Variants in RIMBP2 observed in about 807,000 individuals in gnomAD.
RIMBP2 encodes RIMS-binding protein 2.
In RIMBP2, 48 loss-of-function variants were observed where a neutral mutation model predicts 118.6. The ratio of observed to expected loss-of-function variants is 0.40; its 90% CI spans 0.32 to 0.51. RIMBP2 has a LOEUF of 0.51. Among genes scored for constraint, RIMBP2 ranks in the 20% least tolerant of loss-of-function variants. The pLI, the probability that RIMBP2 is intolerant of heterozygous loss-of-function variation, is 0.41. For synonymous variants in RIMBP2, 762 were observed against 742.9 expected, an observed-to-expected ratio of 1.03 and a Z score of -0.42; for missense variants, 1,551 against 1,768.3, an observed-to-expected ratio of 0.88 and a Z score of 2.20.
intron 21 of RIMBP2, among the ~76,000 whole-genome samples, chr12:130,404,454 C>G (rs1048414612): frequency 4.6e-5 from 7 of 152,086 alleles, no homozygotes; most frequent in African/African-American, 1.7e-4. Context: ...CATGCCACCA[C>G]GCCCGGCTAA....
intron 1 of RIMBP2, among the ~76,000 whole-genome samples, chr12:130,664,151 C>T (rs1209869029): frequency 6.6e-6 from 1 of 151,666 alleles, no homozygotes; most frequent in Non-Finnish European, 1.5e-5. Flanking sequence ...TACTGAACCC[C>T]ACTTGGTAAA....
chr12:130,515,760 T>C (rs2051384733), intron 3 of RIMBP2, among the ~76,000 whole-genome samples: 1 of 152,118 alleles, frequency 6.6e-6, no homozygotes, highest in South Asian at 2.1e-4. Flanking sequence ...TGCAATGGCA[T>C]GATCTCGGCT....
intron 1 of RIMBP2, among the ~76,000 whole-genome samples, chr12:130,704,094 G>T (rs1176608925): frequency 6.6e-6 from 1 of 152,110 alleles, no homozygotes; most frequent in African/African-American, 2.4e-5. Context: ...AAAGCAGCTG[G>T]GGAAGCACCC....
At chr12:130,444,144 G>A (rs1182648787) in intron 10 of RIMBP2, among the ~76,000 whole-genome samples, 1 of 152,196 alleles carries the variant, frequency 6.6e-6, no homozygotes, top group African/African-American at 2.4e-5. Flanking sequence ...ACATATTTCT[G>A]TGCTTATGTG....
intron 13 of RIMBP2, among the ~76,000 whole-genome samples, chr12:130,436,354 T>C (rs936283922): frequency 1.3e-5 from 2 of 152,168 alleles, no homozygotes; most frequent in Non-Finnish European, 2.9e-5. Flanking sequence ...TGTATGTATA[T>C]ACATGAGGGT....
chr12:130,600,665 G>A (rs2059823890), intron 2 of RIMBP2, among the ~76,000 whole-genome samples: 1 of 152,154 alleles, frequency 6.6e-6, no homozygotes, highest in African/African-American at 2.4e-5. Flanking sequence ...TCTGCCCAGA[G>A]ACATTCCAAC....
Position 130,576,102 on chromosome 12 carries a change from G to GA in RIMBP2, c.-217+52219dup, listed in dbSNP as rs2058066194. Among the ~76,000 whole-genome samples, 1 of 152,006 alleles carries GA rather than the reference G, an allele frequency of 6.6e-6. No homozygotes were observed. The highest frequency in any genetic ancestry group is 1.5e-5 in the Non-Finnish European group (1 of 68,016). The stretch of plus-strand genomic sequence containing the variant: ...CTCTGCAGGGAGGCTGGTGCGGGGG[G>GA]ACCGTTAGGCAAAGGGGCTGCGGAC... On this transcript the variant is annotated intron_variant, in intron 2 of 22. Coordinates refer to ENST00000690449, the MANE Select transcript of RIMBP2 (RefSeq NM_001393629.1). This position sits in a 1 kb window ranked among gnomAD's most constrained non-coding sequence, Gnocchi z 4.2.
At chr12:130,522,362 G>T (rs1372263693) in intron 2 of RIMBP2, among the ~76,000 whole-genome samples, 1 of 152,210 alleles carries the variant, frequency 6.6e-6, no homozygotes, top group African/African-American at 2.4e-5. Flanking sequence ...GAGGTTCGGG[G>T]AACATGGCAA....
At position 130,683,227 on chromosome 12, in the gene RIMBP2, C is replaced by A. The variant is rs762794684; in HGVS notation, c.-352+32995G>T. ...ACACACAGACACGGGAAAGCTCACA[C>A]GGATGGCAGTGGAACCAGAGGTCGG... On this transcript the variant is annotated intron_variant, in intron 1 of 22. Transcript: ENST00000690449. This position sits in a 1 kb window ranked among gnomAD's most constrained non-coding sequence, Gnocchi z 4.4. Among the ~76,000 whole-genome samples, 9 of 152,138 alleles carry A rather than the reference C, an allele frequency of 5.9e-5. No individual in the cohort carries two copies. The highest frequency in any genetic ancestry group is 2.2e-4 in the African/African-American group (9 of 41,430).
At chr12:130,451,463 G>A in intron 7 of RIMBP2, 123 bp from the exon 8 acceptor site, 1 of 1,083,802 alleles carries the variant, frequency 9.2e-7, no homozygotes, top group African/African-American at 1.6e-5. Flanking sequence ...TTTTCATTTT[G>A]GGGTCCACCC....
chr12:130,675,484 A>C (rs895885444), intron 1 of RIMBP2, among the ~76,000 whole-genome samples: 1 of 152,078 alleles, frequency 6.6e-6, no homozygotes, highest in Admixed American at 6.5e-5. Context: ...TCTCCAACAG[A>C]GCCCCTGCTC....
rs185730002 is a variant in RIMBP2 at position 130,580,666 on chromosome 12, G to T, written c.-217+47656C>A. 3.5e-3 allele frequency among the ~76,000 whole-genome samples: 532 copies of T among 152,350 alleles called. 1 individual carries two copies. The highest frequency in any genetic ancestry group is 6.2e-3 in the Non-Finnish European group (420 of 68,032). On this transcript the variant is annotated intron_variant, in intron 2 of 22. Transcript: ENST00000690449. Reference sequence around the variant, plus strand: ...TTTAAATACTGCATTAAGACCAGGTGCAGTGGCTCATGCCTGTAATCTCAA... The same window carrying T: ...TTTAAATACTGCATTAAGACCAGGTTCAGTGGCTCATGCCTGTAATCTCAA...
chr12:130,696,518 T>C (rs760797188), intron 1 of RIMBP2, among the ~76,000 whole-genome samples: 9 of 152,190 alleles, frequency 5.9e-5, no homozygotes, highest in Non-Finnish European at 1.2e-4. Flanking sequence ...ACAATTAATA[T>C]AGGTTGTTTT....
intron 14 of RIMBP2, among the ~76,000 whole-genome samples, chr12:130,433,060 A>G (rs1051597294): frequency 2.0e-5 from 3 of 151,360 alleles, no homozygotes; most frequent in Non-Finnish European, 4.4e-5. Context: ...CTCTTGCTAA[A>G]CTCCAGAACA....
Position 130,482,685 on chromosome 12 carries a change from G to C in RIMBP2, c.-3-3669C>G, listed in dbSNP as rs137974069. On this transcript the variant is annotated intron_variant, in intron 4 of 22. Coordinates refer to ENST00000690449, the MANE Select transcript of RIMBP2 (RefSeq NM_001393629.1). ...CGCAAAACAAAGCAAAACAAAACCAGCTCTCTTGGAGCTCACATTCTGCAG... is the reference window on the plus strand; with the variant it reads ...CGCAAAACAAAGCAAAACAAAACCACCTCTCTTGGAGCTCACATTCTGCAG... Among the ~76,000 whole-genome samples, 368 of 152,208 alleles carry C rather than the reference G, an allele frequency of 2.4e-3. 4 individuals carry two copies. The highest frequency in any genetic ancestry group is 8.4e-3 in the African/African-American group (347 of 41,426).
chr12:130,522,780 G>A (rs1281790440), intron 2 of RIMBP2, among the ~76,000 whole-genome samples: 4 of 152,106 alleles, frequency 2.6e-5, no homozygotes, highest in African/African-American at 9.7e-5. Context: ...TGCCTGCTGT[G>A]GACTGAATTG....
chr12:130,477,280 G>T (rs980249851), intron 5 of RIMBP2, among the ~76,000 whole-genome samples: 1 of 152,160 alleles, frequency 6.6e-6, no homozygotes, highest in African/African-American at 2.4e-5. Flanking sequence ...CTAACTCCAG[G>T]CTTCTAGAGA....
intron 17 of RIMBP2, among the ~76,000 whole-genome samples, chr12:130,418,794 A>G (rs1009200281): frequency 3.9e-5 from 6 of 152,166 alleles, no homozygotes; most frequent in African/African-American, 1.4e-4. Flanking sequence ...ATACTCAAGG[A>G]CCATGATCTG....
At chr12:130,680,846 A>G (rs913484456) in intron 1 of RIMBP2, among the ~76,000 whole-genome samples, 11 of 152,300 alleles carry the variant, frequency 7.2e-5, no homozygotes, top group Middle Eastern at 3.4e-3. Context: ...TGGGAGGAGG[A>G]CAGTTCCCGC....
Sources: allele counts gnomAD v4.1 joint callset (sites outside exome capture counted in the v4.1 genomes callset), GRCh38; gene constraint gnomAD v4.1.1; non-coding constraint Gnocchi (gnomAD v3.1); transcripts MANE v1.5; gene names NCBI Gene and HGNC (gene_info 2026-07-23, HGNC 2026-07-21).